BLTP3B: variants seen among roughly 807,000 people sequenced by gnomAD.
The protein encoded by BLTP3B is bridge-like lipid transfer protein family member 3B.
At chr12:100,114,336 C>A in the BLTP3B span, among the ~76,000 whole-genome samples, 1 of 152,126 alleles carries the variant, frequency 6.6e-6, no homozygotes, top group African/African-American at 2.4e-5. Context: ...TGGGATCAAA[C>A]TTATAAATTA....
the BLTP3B span, among the ~76,000 whole-genome samples, chr12:100,072,500 A>T: frequency 6.6e-6 from 1 of 152,146 alleles, no homozygotes; most frequent in African/African-American, 2.4e-5. Context: ...TGAGCCTAGG[A>T]GTTTGAGATC....
At chr12:100,139,437 C>A in the BLTP3B span, among the ~76,000 whole-genome samples, 9 of 152,198 alleles carry the variant, frequency 5.9e-5, no homozygotes, top group Admixed American at 5.2e-4. Flanking sequence ...TTCCTCCTTA[C>A]TGGCAGAACT....
chr12:100,067,569 A>G, the BLTP3B span, among the ~76,000 whole-genome samples: 3 of 152,188 alleles, frequency 2.0e-5, no homozygotes, highest in Non-Finnish European at 2.9e-5. Flanking sequence ...CTTTATGTGC[A>G]TATACTAGAA....
chr12:100,137,527 C>T, the BLTP3B span, among the ~76,000 whole-genome samples: 1 of 152,064 alleles, frequency 6.6e-6, no homozygotes, highest in African/African-American at 2.4e-5. Flanking sequence ...TCATGTTTCC[C>T]AGACTGATCT....
At chr12:100,037,366 T>C in the BLTP3B span, 1 of 1,083,024 alleles carries the variant, frequency 9.2e-7, no homozygotes, top group African/African-American at 1.7e-5. Context: ...TCATTAGGCA[T>C]GTAATTATTT....
the BLTP3B span, among the ~76,000 whole-genome samples, chr12:100,130,152 G>T: frequency 3.9e-5 from 6 of 152,126 alleles, no homozygotes; most frequent in African/African-American, 1.4e-4. Context: ...CAGAAACGGG[G>T]TTTCACCATG....
the BLTP3B span, among the ~76,000 whole-genome samples, chr12:100,078,101 G>A: frequency 6.6e-6 from 1 of 152,244 alleles, no homozygotes; most frequent in East Asian, 1.9e-4. Flanking sequence ...ATGTTCAATT[G>A]TAATCCCCAG....
the BLTP3B span, among the ~76,000 whole-genome samples, chr12:100,081,385 T>C: frequency 6.6e-6 from 1 of 152,238 alleles, no homozygotes; most frequent in African/African-American, 2.4e-5. Flanking sequence ...CCCAAAGTTG[T>C]AGTTGGTGTC....
At chr12:100,102,878 T>A in the BLTP3B span, 1 of 1,398,144 alleles carries the variant, frequency 7.2e-7, no homozygotes. Context: ...CGTTAAAATA[T>A]AAACAATTAG....
chr12:100,073,850 T>C, the BLTP3B span, among the ~76,000 whole-genome samples: 23 of 152,054 alleles, frequency 1.5e-4, no homozygotes, highest in Non-Finnish European at 3.1e-4. Flanking sequence ...CAACAAACTA[T>C]GAATCAAAGA....
the BLTP3B span, among the ~76,000 whole-genome samples, chr12:100,127,496 A>G: frequency 2.0e-5 from 3 of 152,254 alleles, no homozygotes; most frequent in Non-Finnish European, 4.4e-5. Context: ...ATTTATTACA[A>G]GACTTTTGGA....
chr12:100,111,094 T>A, the BLTP3B span, among the ~76,000 whole-genome samples: 1 of 152,132 alleles, frequency 6.6e-6, no homozygotes. Context: ...CCCCATCTAA[T>A]TATAATACAC....
the BLTP3B span, among the ~76,000 whole-genome samples, chr12:100,114,497 C>A: frequency 6.6e-6 from 1 of 152,100 alleles, no homozygotes; most frequent in Non-Finnish European, 1.5e-5. Context: ...AGCTAGTATC[C>A]CAAGACTGTG....
the BLTP3B span, among the ~76,000 whole-genome samples, chr12:100,119,033 C>A: frequency 6.6e-6 from 1 of 151,934 alleles, no homozygotes; most frequent in Admixed American, 6.6e-5. Context: ...ACTCAGGAGG[C>A]GGAGGTTGCA....
At chr12:100,058,955 A>G in the BLTP3B span, 88 of 1,614,126 alleles carry the variant, frequency 5.5e-5, no homozygotes, top group Admixed American at 1.4e-3. Context: ...CAGACTCTGT[A>G]CTATAATACT....
At chr12:100,061,424 G>A in the BLTP3B span, among the ~76,000 whole-genome samples, 6 of 152,094 alleles carry the variant, frequency 3.9e-5, no homozygotes, top group Non-Finnish European at 4.4e-5. Flanking sequence ...TTGGGAGGCC[G>A]AGGCGGGTGG....
the BLTP3B span, among the ~76,000 whole-genome samples, chr12:100,046,930 A>G: frequency 1.1e-4 from 17 of 152,288 alleles, no homozygotes; most frequent in East Asian, 2.7e-3. Flanking sequence ...AAAGAGATCA[A>G]CTGAGAGACA....
chr12:100,137,334 G>A, the BLTP3B span, among the ~76,000 whole-genome samples: 1 of 151,932 alleles, frequency 6.6e-6, no homozygotes, highest in Non-Finnish European at 1.5e-5. Flanking sequence ...TCAATCTAGT[G>A]GCCAATCCCA....
At chr12:100,058,924 G>A in the BLTP3B span, 1 of 1,613,952 alleles carries the variant, frequency 6.2e-7, no homozygotes, top group Non-Finnish European at 8.5e-7. Flanking sequence ...GAAGGCTTCT[G>A]ACCACCATTT....
Sources: allele counts gnomAD v4.1 joint callset (sites outside exome capture counted in the v4.1 genomes callset), GRCh38; gene constraint gnomAD v4.1.1; transcripts MANE v1.5; gene names NCBI Gene and HGNC (gene_info 2026-07-23, HGNC 2026-07-21).